The following PIDD1 variants were observed in gnomAD, a reference collection of about 807,000 sequenced individuals.
PIDD1 encodes the protein p53-induced death domain protein 1, also known as p53-induced death domain-containing protein 1.
A neutral mutation model predicts 80.0 loss-of-function variants in PIDD1; 72 were observed. That is an observed-to-expected ratio of 0.90 (90% CI 0.74 to 1.09). PIDD1 has a LOEUF of 1.09. Among genes scored for constraint, PIDD1 ranks in the 50% least tolerant of loss-of-function variants. The pLI is 0.00. For missense variants in PIDD1, 1,329 were observed against 1,228.3 expected (o/e 1.08, Z -1.23); for synonymous variants, 655 against 543.5 (o/e 1.21, Z -2.85).
upstream of PIDD1, among the ~76,000 whole-genome samples, chr11:806,830 G>C (rs906501803): frequency 6.6e-6 from 1 of 152,060 alleles, no homozygotes; most frequent in African/African-American, 2.4e-5. Context: ...TGATCCACCC[G>C]CCTCGGCCTC....
chr11:801,578 A>T lies in PIDD1; in HGVS notation c.1349T>A (p.Val450Glu). ...CQVPHFSWFL[V>E]VSRPVSNACL... ...GGCATTGGACACAGGGCGGGAAACC[A>T]CAAGGAACCAGGAGAAGTGGGGCAC... The change falls in exon 8 of 16, where the codon GTG (valine) becomes GAG (glutamate). Residue 450 changes from valine (V) to glutamate (E), a missense_variant. Transcript: ENST00000347755. 6.4e-7 allele frequency: 1 copy of T among 1,568,642 alleles called. No homozygotes were observed. Among genetic ancestry groups the T allele is most frequent in the Non-Finnish European group, 8.6e-7 (1 of 1,156,922 alleles).
chr11:804,316 C>T lies in PIDD1; in HGVS notation c.73G>A (p.Ala25Thr), dbSNP rs1295982626. The change falls in exon 2 of 16, where the codon GCA (alanine) becomes ACA (threonine). Residue 25 changes from alanine to threonine, a missense_variant. Coordinates refer to ENST00000347755, the MANE Select transcript of PIDD1 (RefSeq NM_145886.4). The part of the protein sequence containing the change: ...AAGDASEDSD[A>T]GSRALPFLGG... ...AGGAAAGGCAGCGCCCTGGACCCTG[C>T]GTCCGAATCCTCTGAAGCATCTCCT... is the stretch of plus-strand genomic sequence containing the variant. 2.5e-6 allele frequency: 4 copies of T among 1,612,350 alleles called. No homozygotes were observed. In the African/African-American group the frequency reaches 4.0e-5, roughly 16 times the overall value.
rs1029782814 is a variant in PIDD1 at position 802,765 on chromosome 11, G to T, written c.836C>A (p.Pro279His). 3.7e-6 allele frequency: 6 copies of T among 1,609,450 alleles called. No individual in the cohort carries two copies. In the African/African-American group the frequency reaches 6.7e-5, roughly 18 times the overall value. The change falls in exon 4 of 16, where the codon CCC (proline) becomes CAC (histidine). Residue 279 changes from proline (P) to histidine (H), a missense_variant. Coordinates refer to ENST00000347755, the MANE Select transcript of PIDD1 (RefSeq NM_145886.4). ...DLRDNQLRDL[P>H]PELLDAPFVR... ...AAAGGGGGCGTCTAGCAGCTCAGGG[G>T]GCAGGTCCCGGAGCTGGTTGTCCCT...
upstream of PIDD1, chr11:805,838 C>T (rs1865742329): frequency 1.1e-5 from 3 of 261,200 alleles, no homozygotes; most frequent in Admixed American, 6.5e-5. Context: ...CGGTGGCTGA[C>T]GCCTGTAATC....
At chr11:802,115 A>G (rs7479101) in intron 6 of PIDD1, 25 bp from the exon 7 acceptor site, 1,028,735 of 1,566,886 alleles carry the variant, frequency 0.66, 340,653 homozygotes, top group Admixed American at 0.73. Flanking sequence ...TGGTGTGAGC[A>G]CTGGAGCCAT....
At position 799,325 on chromosome 11, in the gene PIDD1, TG is replaced by T; in HGVS notation, c.2714del (p.Pro905GlnfsTer39). Reference sequence around the variant, plus strand: ...GTGGGGCCTAGGCCTGGGCAGGCTCTGGGGGCTGTGGAGCCGAGGAGCCAGG... The same window carrying T: ...GTGGGGCCTAGGCCTGGGCAGGCTCTGGGGCTGTGGAGCCGAGGAGCCAGG... ...ALPGSSAPQP[P>X]EPAQA On this transcript the variant is annotated frameshift_variant, in exon 16 of 16. Transcript: ENST00000347755. LOFTEE classifies it high-confidence loss of function. 1 of 1,604,714 alleles carries T rather than the reference TG, an allele frequency of 6.2e-7. No individual in the cohort carries two copies. Among genetic ancestry groups the T allele is most frequent in the Non-Finnish European group, 8.5e-7 (1 of 1,176,994 alleles).
At chr11:803,643 C>T (rs1489963468) in intron 2 of PIDD1, 56 bp from the exon 3 acceptor site, 28 of 1,546,822 alleles carry the variant, frequency 1.8e-5, no homozygotes, top group African/African-American at 2.7e-5. Context: ...GGTCCCAGAT[C>T]GACCCTGCCA....
At chr11:805,509 C>T (rs1266914629), upstream of PIDD1, 1 of 635,020 alleles carries the variant, frequency 1.6e-6, no homozygotes, top group Non-Finnish European at 2.0e-6. Flanking sequence ...CGAAACCCGC[C>T]CTTTCCGAGG....
intron 2 of PIDD1, 89 bp downstream of exon 2, chr11:804,005 G>A: frequency 1.4e-6 from 2 of 1,412,494 alleles, no homozygotes; most frequent in Non-Finnish European, 1.9e-6. Context: ...TGGAGCTGGG[G>A]CTGGGACTGG....
chr11:802,054 C>A lies in PIDD1; in HGVS notation c.1213G>T (p.Ala405Ser), dbSNP rs1025350941. 6.3e-7 allele frequency: 1 copy of A among 1,585,830 alleles called. No individual in the cohort carries two copies. The highest frequency in any genetic ancestry group is 1.8e-5 in the Admixed American group (1 of 55,576). ...ACCACCACTTCACGGCAGCGCCGGG[C>A]CTGCGGTGGGGTGAAGAGCAGCCAC... ...GLWLLFTPPQARRCREVVVRT... is the reference protein window; with the variant it reads ...GLWLLFTPPQSRRCREVVVRT... The change falls in exon 7 of 16, where the codon GCC becomes TCC. Residue 405 changes from alanine (A) to serine (S), a missense_variant. Physicochemically the swap from Ala to Ser is moderately conservative, Grantham distance 99. Transcript: ENST00000347755.
intron 1 of PIDD1, 178 bp from the exon 2 acceptor site, chr11:804,641 G>T: frequency 1.8e-6 from 1 of 544,150 alleles, no homozygotes; most frequent in Non-Finnish European, 3.0e-6. Context: ...ACTGGAAAGA[G>T]GGTTGGGGAA....
At position 799,951 on chromosome 11, in the gene PIDD1, C is replaced by G; in HGVS notation, c.2338G>C (p.Gly780Arg). The part of the protein sequence containing the change: ...AGLSLAPLNL[G>R]DAETGFLTQS... The stretch of plus-strand genomic sequence containing the variant: ...GTCAGAAAGCCGGTCTCGGCATCTC[C>G]CAGATTCAAGGGTGCCAAGGAGAGG... Residue 780 changes from glycine (G) to arginine (R), a missense_variant, in exon 15 of 16, where the codon GGA becomes CGA. Transcript: ENST00000347755. The G allele has an allele frequency of 6.2e-7, 1 of 1,612,846 alleles. No homozygotes were observed. The highest frequency in any genetic ancestry group is 8.5e-7 in the Non-Finnish European group (1 of 1,179,952).
In PIDD1 at chr11:803,347, G is replaced by A. The variant is rs1865536755; in HGVS notation, c.536C>T (p.Thr179Ile). ...GGGCAGCGTCTGCAGGCGGTTGTGT[G>A]TCACTGTGAGGAAGGTGAGGGCGGG... is the stretch of plus-strand genomic sequence containing the variant. ...ALPALTFLTV[T>I]HNRLQTLPPA... Residue 179 changes from threonine to isoleucine, a missense_variant, in exon 3 of 16, where the codon ACA becomes ATA. By Grantham distance (89) the Thr-to-Ile change is moderately conservative. Transcript: ENST00000347755. The A allele has an allele frequency of 2.5e-6, 4 of 1,613,910 alleles. No individual in the cohort carries two copies. Among genetic ancestry groups the A allele is most frequent in the Non-Finnish European group, 3.4e-6 (4 of 1,180,024 alleles).
At chr11:799,750 TG>T in intron 15 of PIDD1, 64 bp downstream of exon 15, 1 of 1,405,332 alleles carries the variant, frequency 7.1e-7, no homozygotes, top group Non-Finnish European at 9.4e-7. Flanking sequence ...CAGAATCAGG[TG>T]GGCCCTCCAG....
rs1408082391 is a variant in PIDD1, at chr11:805,212, T to A, written c.-109A>T. 1 of 983,340 alleles carries A rather than the reference T, an allele frequency of 1.0e-6. No homozygotes were observed. The highest frequency in any genetic ancestry group is 1.1e-4 in the East Asian group (1 of 8,798). The allele number at this position is 983,340 out of a possible 1,614,324, so 60.9% of individuals were successfully genotyped here. Reference sequence around the variant, plus strand: ...CAGGCGGCGCGCAAAGGGTGGCTGCTCAGCGGGCGCTCGGCGCCTGGGATC... The same window carrying A: ...CAGGCGGCGCGCAAAGGGTGGCTGCACAGCGGGCGCTCGGCGCCTGGGATC... On this transcript the variant is annotated 5_prime_UTR_variant, in exon 1 of 16. Transcript: ENST00000347755.
At position 801,446 on chromosome 11, in the gene PIDD1, TG is replaced by T; in HGVS notation, c.1480del (p.Gln494ArgfsTer21). 6.4e-7 allele frequency: 1 copy of T among 1,551,270 alleles called. No individual in the cohort carries two copies. The highest frequency in any genetic ancestry group is 8.7e-7 in the Non-Finnish European group (1 of 1,146,750). On this transcript the variant is annotated frameshift_variant and splice_region_variant, in exon 8 of 16. Coordinates refer to ENST00000347755, the MANE Select transcript of PIDD1 (RefSeq NM_145886.4). LOFTEE classifies it high-confidence loss of function. Reference sequence around the variant, plus strand: ...CCCTCAGTGCTGTCCTGGCCATACCTGCATGGAGACTCGACGAGGCTCCTCA... The same window carrying T: ...CCCTCAGTGCTGTCCTGGCCATACCTCATGGAGACTCGACGAGGCTCCTCA... Reference protein sequence around the residue: ...ATEEPRRVSMQVVRMAGRELQ... With the variant: ...ATEEPRRVSMXVVRMAGRELQ...
At chr11:803,145 C>T (rs1180384341) in intron 3 of PIDD1, 29 bp downstream of exon 3, 1 of 1,494,796 alleles carries the variant, frequency 6.7e-7, no homozygotes, top group Non-Finnish European at 9.1e-7. Flanking sequence ...CCCGTGGGGC[C>T]AGTGTGTCGG....
upstream of PIDD1, among the ~76,000 whole-genome samples, chr11:807,003 C>T (rs1188049990): frequency 6.6e-6 from 1 of 152,160 alleles, no homozygotes; most frequent in Non-Finnish European, 1.5e-5. Context: ...CCCAGTCTGG[C>T]CAATATGGTG....
In PIDD1 at chr11:801,961, T is replaced by C; in HGVS notation, c.1302+4A>G. The C allele has an allele frequency of 1.3e-6, 2 of 1,597,832 alleles. No homozygotes were observed. The highest frequency in any genetic ancestry group is 1.7e-6 in the Non-Finnish European group (2 of 1,172,898). ...CGCCACCGGCAGGCCTGGGTGGCCC[T>C]CACCTGGGGTGCCTCTTCCTCCAGG... On this transcript the variant is annotated splice_donor_region_variant and intron_variant, in intron 7 of 15. Transcript: ENST00000347755.
Sources: gnomAD v4.1 joint callset for allele counts (sites outside exome capture counted in the v4.1 genomes callset) on GRCh38, gnomAD v4.1.1 for gene constraint, MANE v1.5 for transcripts, NCBI Gene and HGNC (gene_info 2026-07-23, HGNC 2026-07-21) for gene names.